KCNAB1: variants seen among roughly 807,000 people sequenced by gnomAD.
KCNAB1 encodes the protein voltage-gated potassium channel subunit beta-1.
In KCNAB1, 35 loss-of-function variants were observed where a neutral mutation model predicts 64.6. That is an observed-to-expected ratio of 0.54 (90% confidence interval 0.41 to 0.72). The LOEUF is 0.72. KCNAB1 is among the 30% of genes least tolerant of loss of function. The pLI, the probability that KCNAB1 is intolerant of heterozygous loss-of-function variation, is 0.00. For missense variants in KCNAB1, 401 were observed against 512.9 expected (o/e 0.78, Z 2.11); for synonymous variants, 177 against 183.8 (o/e 0.96, Z 0.30).
chr3:156,322,845 C>T lies in KCNAB1; in HGVS notation c.276-98771C>T, dbSNP rs114968922. Among the ~76,000 whole-genome samples the T allele has an allele frequency of 7.6e-3, 1,151 of 152,196 alleles. 10 individuals are homozygous for T. Among genetic ancestry groups the T allele is most frequent in the African/African-American group, 0.026 (1,097 of 41,518 alleles). ...ACTGCTCCAAGTACTTCTGGGGTTC[C>T]GATACCTCTTGCCTAATGAGCCTCT... On this transcript the variant is annotated intron_variant, in intron 1 of 13. Transcript: ENST00000490337.
intron 1 of KCNAB1, among the ~76,000 whole-genome samples, chr3:156,213,311 T>C (rs1715129878): frequency 1.3e-5 from 2 of 152,014 alleles, no homozygotes; most frequent in Non-Finnish European, 2.9e-5. Context: ...CTCAAATTTT[T>C]GGGCTCAAGC....
At chr3:156,293,366 T>C (rs979937851) in intron 1 of KCNAB1, among the ~76,000 whole-genome samples, 1 of 152,220 alleles carries the variant, frequency 6.6e-6, no homozygotes, top group Non-Finnish European at 1.5e-5. Context: ...TCTCTTGTCT[T>C]TGTTAGGAAC....
intron 1 of KCNAB1, among the ~76,000 whole-genome samples, chr3:156,384,134 G>T (rs1712387336): frequency 6.6e-6 from 1 of 152,158 alleles, no homozygotes; most frequent in Non-Finnish European, 1.5e-5. Context: ...TTTTTATTCT[G>T]CAATTAAATA....
intron 1 of KCNAB1, among the ~76,000 whole-genome samples, chr3:156,400,202 T>C (rs1043054334): frequency 1.1e-4 from 16 of 152,234 alleles, no homozygotes; most frequent in African/African-American, 3.6e-4. Flanking sequence ...CTTTAAAATG[T>C]CTAAATTGCC....
At chr3:156,194,536 T>C (rs568015420) in intron 1 of KCNAB1, among the ~76,000 whole-genome samples, 4 of 152,276 alleles carry the variant, frequency 2.6e-5, no homozygotes, top group Admixed American at 1.3e-4. Context: ...AATTTGATTA[T>C]GGTTTGACTT....
At chr3:156,288,920 C>T (rs1432369798) in intron 1 of KCNAB1, among the ~76,000 whole-genome samples, 13 of 152,148 alleles carry the variant, frequency 8.5e-5, no homozygotes, top group Admixed American at 8.5e-4. Flanking sequence ...TTCCCATCCA[C>T]CTACCTTCCT....
intron 2 of KCNAB1, among the ~76,000 whole-genome samples, chr3:156,438,464 C>T (rs115018947): frequency 0.012 from 1,812 of 152,302 alleles, 15 homozygotes; most frequent in South Asian, 0.03. Flanking sequence ...ATAAGTAATA[C>T]ATTTTTCTAA....
chr3:156,176,797 G>T, intron 1 of KCNAB1: 1 of 871,982 alleles, frequency 1.1e-6, no homozygotes, highest in Non-Finnish European at 1.9e-6. Flanking sequence ...GGCGTCGCCT[G>T]CTGCTGCCCG....
intron 1 of KCNAB1, among the ~76,000 whole-genome samples, chr3:156,197,761 T>C (rs7634800): frequency 0.55 from 83,665 of 151,934 alleles, 23,967 homozygotes; most frequent in East Asian, 0.9. Context: ...TATTCATTGA[T>C]TTTTGAAGGG....
intron 6 of KCNAB1, among the ~76,000 whole-genome samples, chr3:156,464,828 G>A (rs947307778): frequency 6.6e-6 from 1 of 152,138 alleles, no homozygotes; most frequent in Non-Finnish European, 1.5e-5. Context: ...CAGTGCCATT[G>A]CTCAGTGCTT....
At chr3:156,468,528 G>A (rs955525144) in intron 7 of KCNAB1, among the ~76,000 whole-genome samples, 6 of 152,082 alleles carry the variant, frequency 3.9e-5, no homozygotes, top group African/African-American at 1.4e-4. Flanking sequence ...ATGAGCTGGT[G>A]ACTTTGTGCA....
At chr3:156,528,394 A>G (rs1398551139) in intron 12 of KCNAB1, among the ~76,000 whole-genome samples, 6 of 152,244 alleles carry the variant, frequency 3.9e-5, no homozygotes, top group Non-Finnish European at 7.3e-5. Flanking sequence ...CAAACATTTA[A>G]TAAGTTCCTA....
rs553899598 is a variant in KCNAB1, at chr3:156,169,030, T to C, written c.275+48144T>C. 2.6e-5 allele frequency among the ~76,000 whole-genome samples: 4 copies of C among 152,318 alleles called. No homozygotes were observed. The South Asian group carries it at 6.2e-4, about 24-fold the overall frequency. ...TTCTATGAACACTGATGCTATATCA[T>C]ATGAAATATTTTTATATGATTTATT... On this transcript the variant is annotated intron_variant, in intron 1 of 13. Transcript: ENST00000490337.
intron 2 of KCNAB1, among the ~76,000 whole-genome samples, chr3:156,438,932 T>G (rs899899481): frequency 6.6e-6 from 1 of 152,028 alleles, no homozygotes; most frequent in Non-Finnish European, 1.5e-5. Flanking sequence ...GAGAATCGCT[T>G]GAACCCGGGA....
intron 1 of KCNAB1, among the ~76,000 whole-genome samples, chr3:156,156,245 T>A (rs1272438850): frequency 6.6e-6 from 1 of 151,524 alleles, no homozygotes; most frequent in East Asian, 2.0e-4. Flanking sequence ...AGATTTTTCT[T>A]TGGGCAAGAT....
intron 1 of KCNAB1, among the ~76,000 whole-genome samples, chr3:156,418,682 G>C (rs1033773165): frequency 6.6e-6 from 1 of 152,150 alleles, no homozygotes; most frequent in Non-Finnish European, 1.5e-5. Flanking sequence ...GCCTTAAGTG[G>C]TACACGTCTC....
intron 1 of KCNAB1, among the ~76,000 whole-genome samples, chr3:156,121,573 G>T (rs899975408): frequency 1.3e-5 from 2 of 152,172 alleles, no homozygotes; most frequent in Admixed American, 6.5e-5. Flanking sequence ...AACGTACTGA[G>T]TAAAAAGTGT....
At chr3:156,287,397 G>A (rs953479587) in intron 1 of KCNAB1, among the ~76,000 whole-genome samples, 6 of 149,750 alleles carry the variant, frequency 4.0e-5, no homozygotes, top group Admixed American at 3.3e-4. Context: ...AAAACAAGAG[G>A]AAATCAGTTT....
chr3:156,163,417 T>C (rs984707948), intron 1 of KCNAB1, among the ~76,000 whole-genome samples: 8 of 152,302 alleles, frequency 5.3e-5, no homozygotes, highest in Admixed American at 5.2e-4. Context: ...TGCCAGATAG[T>C]GGGACCTCTG....
Sources: allele counts gnomAD v4.1 joint callset (sites outside exome capture counted in the v4.1 genomes callset), GRCh38; gene constraint gnomAD v4.1.1; transcripts MANE v1.5; gene names NCBI Gene and HGNC (gene_info 2026-07-23, HGNC 2026-07-21).